Variants in TXNDC16 observed in about 807,000 individuals in gnomAD.
The protein encoded by TXNDC16 is thioredoxin domain-containing protein 16.
Under a neutral mutation model 85.6 loss-of-function variants are expected in TXNDC16, and 74 were observed. The ratio of observed to expected loss-of-function variants is 0.86; its 90% CI spans 0.72 to 1.05. The LOEUF (loss-of-function observed/expected upper bound fraction) is 1.05, where lower values mean the gene tolerates loss of function less well. TXNDC16 is among the 50% of genes least tolerant of loss of function. TXNDC16 has a pLI of 0.00. For missense variants in TXNDC16, 959 were observed against 947.0 expected, an observed-to-expected ratio of 1.01 and a Z score of -0.17; for synonymous variants, 335 against 326.5, an observed-to-expected ratio of 1.03 and a Z score of -0.28.
chr14:52,523,893 T>A (rs906873479), intron 6 of TXNDC16, among the ~76,000 whole-genome samples: 3 of 152,220 alleles, frequency 2.0e-5, no homozygotes, highest in African/African-American at 7.2e-5. Flanking sequence ...CTAATATATG[T>A]CATGTACCAC....
At chr14:52,440,780 AC>A in intron 18 of TXNDC16, 56 bp from the exon 19 acceptor site, 2 of 1,434,030 alleles carry the variant, frequency 1.4e-6, no homozygotes, top group Non-Finnish European at 9.5e-7. Flanking sequence ...GATAATGCAT[AC>A]CACAGAAGAC....
intron 9 of TXNDC16, among the ~76,000 whole-genome samples, chr14:52,503,687 C>T (rs1329564994): frequency 4.6e-5 from 7 of 152,314 alleles, no homozygotes; most frequent in Admixed American, 1.3e-4. Context: ...TCCAAAGGAA[C>T]GCAGCTCCTC....
chr14:52,482,124 G>C lies in TXNDC16; in HGVS notation c.1312+106C>G, dbSNP rs2036163888. 6.7e-6 allele frequency: 7 copies of C among 1,037,490 alleles called. No homozygotes were observed. The South Asian group carries it at 1.0e-4, about 15-fold the overall frequency. 64.3% of individuals were successfully genotyped at this position (1,037,490 alleles called of 1,614,324 possible). A position where few individuals can be genotyped will look rare whatever the true frequency, so the allele number is the denominator to read the frequency against. Reference sequence around the variant, plus strand: ...ACTTAACCCTGGAGACACAAACATAGTAACTGAAATTTTATGTGGTTTTCT... The same window carrying C: ...ACTTAACCCTGGAGACACAAACATACTAACTGAAATTTTATGTGGTTTTCT... On this transcript the variant is annotated intron_variant, in intron 14 of 20. Transcript: ENST00000281741.
At chr14:52,549,009 C>T (rs143429449) in intron 1 of TXNDC16, among the ~76,000 whole-genome samples, 123 of 152,332 alleles carry the variant, frequency 8.1e-4, no homozygotes, top group Non-Finnish European at 9.0e-4. Flanking sequence ...ATGACTTGAA[C>T]ATAAGATGAC....
chr14:52,465,286 G>A (rs1566541889), intron 16 of TXNDC16, among the ~76,000 whole-genome samples: 1 of 152,106 alleles, frequency 6.6e-6, no homozygotes, highest in Non-Finnish European at 1.5e-5. Context: ...TAAATGGTAA[G>A]AGTTAGTATA....
chr14:52,450,899 A>AT, intron 18 of TXNDC16, among the ~76,000 whole-genome samples: 1 of 147,718 alleles, frequency 6.8e-6, no homozygotes, highest in South Asian at 2.1e-4. Context: ...ACACACATAC[A>AT]TATATATATG....
chr14:52,542,937 C>T (rs752937944), intron 3 of TXNDC16, among the ~76,000 whole-genome samples: 4 of 151,998 alleles, frequency 2.6e-5, no homozygotes, highest in Non-Finnish European at 5.9e-5. Context: ...ATTAGTTATG[C>T]TCAATAGTTA....
At chr14:52,441,375 G>A (rs1214211167) in intron 18 of TXNDC16, among the ~76,000 whole-genome samples, 4 of 152,052 alleles carry the variant, frequency 2.6e-5, no homozygotes, top group South Asian at 4.1e-4. Context: ...TTGGGAGGCC[G>A]ACGCAGGCAG....
At chr14:52,486,200 C>G (rs1276734160) in intron 12 of TXNDC16, among the ~76,000 whole-genome samples, 1 of 151,322 alleles carries the variant, frequency 6.6e-6, no homozygotes, top group African/African-American at 2.4e-5. Flanking sequence ...GCTACCATCA[C>G]TTGTACATTT....
At chr14:52,519,416 T>C (rs1393653436) in intron 6 of TXNDC16, 123 bp from the exon 7 acceptor site, 2 of 689,844 alleles carry the variant, frequency 2.9e-6, no homozygotes, top group African/African-American at 3.6e-5. Context: ...TCAGTAGTAA[T>C]AATGTAAGCA....
At chr14:52,530,248 A>T (rs1403199109) in intron 6 of TXNDC16, among the ~76,000 whole-genome samples, 11 of 44,134 alleles carry the variant, frequency 2.5e-4, no homozygotes, top group Admixed American at 2.3e-3. Context: ...ATAATATATA[A>T]TATATATTAT....
chr14:52,491,013 G>GGAAA lies in TXNDC16; in HGVS notation c.757-9_757-8insTTTC. 1 of 1,194,778 alleles carries GGAAA rather than the reference G, an allele frequency of 8.4e-7. No individual in the cohort carries two copies. Among genetic ancestry groups the GGAAA allele is most frequent in the East Asian group, 3.3e-5 (1 of 30,594 alleles). The allele number at this position is 1,194,778 out of a possible 1,614,324, so 74.0% of individuals were successfully genotyped here. On this transcript the variant is annotated splice_polypyrimidine_tract_variant and intron_variant, in intron 9 of 20. Coordinates refer to ENST00000281741, the MANE Select transcript of TXNDC16 (RefSeq NM_020784.3). ...ATCTTCAGCAACTTCAGTCTTCATT[G>GGAAA]AAAAAAAAAAAAAAAAAAGGTGTGA...
intron 14 of TXNDC16, among the ~76,000 whole-genome samples, chr14:52,472,487 C>T (rs117748435): frequency 0.049 from 7,387 of 152,210 alleles, 231 homozygotes; most frequent in Middle Eastern, 0.075. Context: ...TGAGCCACCG[C>T]GCCCGGCCTT....
chr14:52,483,027 T>C, intron 12 of TXNDC16, 62 bp from the exon 13 acceptor site: 1 of 1,356,474 alleles, frequency 7.4e-7, no homozygotes, highest in Admixed American at 2.2e-5. Context: ...ATTTAAGCTC[T>C]TCTCATAGGA....
At chr14:52,497,798 T>C (rs1399374986) in intron 9 of TXNDC16, among the ~76,000 whole-genome samples, 2 of 150,914 alleles carry the variant, frequency 1.3e-5, no homozygotes, top group East Asian at 2.0e-4. Context: ...GGAGAATCAC[T>C]TGAACCCAGG....
rs576188477 is a variant in TXNDC16 at position 52,433,964 on chromosome 14, G to T, written c.2195-1377C>A. On this transcript the variant is annotated intron_variant, in intron 20 of 20. Transcript: ENST00000281741. ...GAAGCCAAGATGGGAGGACAGCTTG[G>T]CCCCAGGAGTTCAAAACCAGCCTGG... Among the ~76,000 whole-genome samples, 4 of 152,142 alleles carry T rather than the reference G, an allele frequency of 2.6e-5. No homozygotes were observed. The South Asian group carries it at 6.2e-4, about 24-fold the overall frequency.
chr14:52,530,252 A>ATATTATATAATAATATATAT (rs1566581820), intron 6 of TXNDC16, among the ~76,000 whole-genome samples: 2 of 37,572 alleles, frequency 5.3e-5, no homozygotes, highest in African/African-American at 1.8e-4. Context: ...TATATAATAT[A>ATATTATATAATAATATATAT]TATTATATAA....
chr14:52,511,792 A>G (rs2036962809), intron 8 of TXNDC16, among the ~76,000 whole-genome samples: 1 of 152,194 alleles, frequency 6.6e-6, no homozygotes, highest in Admixed American at 6.5e-5. Context: ...CAAATTTTCT[A>G]AATTTAATTT....
intron 6 of TXNDC16, among the ~76,000 whole-genome samples, chr14:52,535,689 T>C (rs1412158977): frequency 1.3e-5 from 2 of 152,160 alleles, no homozygotes; most frequent in Non-Finnish European, 2.9e-5. Flanking sequence ...GGACCCCAGA[T>C]AGACCTAAAT....
Sources: gnomAD v4.1 joint callset for allele counts (sites outside exome capture counted in the v4.1 genomes callset) on GRCh38, gnomAD v4.1.1 for gene constraint, MANE v1.5 for transcripts, NCBI Gene and HGNC (gene_info 2026-07-23, HGNC 2026-07-21) for gene names.